ATG4C: variants seen among roughly 807,000 people sequenced by gnomAD.
ATG4C encodes cysteine protease ATG4C.
ATG4C carries 56 observed loss-of-function variants against 57.6 expected under a neutral mutation model. The observed-to-expected ratio is 0.97, with a 90% CI of 0.78 to 1.21. The LOEUF (loss-of-function observed/expected upper bound fraction) is 1.21, where lower values mean the gene tolerates loss of function less well. ATG4C is among the 50% of genes most tolerant of loss of function. ATG4C has a pLI of 0.00. For missense variants in ATG4C, 595 were observed against 529.8 expected, an observed-to-expected ratio of 1.12 and a Z score of -1.21; for synonymous variants, 157 against 174.1, an observed-to-expected ratio of 0.90 and a Z score of 0.78.
At chr1:62,845,816 C>G (rs998275355) in intron 10 of ATG4C, among the ~76,000 whole-genome samples, 5 of 152,142 alleles carry the variant, frequency 3.3e-5, no homozygotes, top group Admixed American at 2.0e-4. Context: ...ATTCTCCTGC[C>G]TCAGCCTCCC....
chr1:62,801,958 C>CAAAAAAAAAAAA (rs60298362), intron 1 of ATG4C, among the ~76,000 whole-genome samples: 13 of 51,890 alleles, frequency 2.5e-4, no homozygotes, highest in African/African-American at 3.7e-4. Context: ...ACTCTGTCTC[C>CAAAAAAAAAAAA]AAAAAAAAAA....
chr1:62,817,265 C>T (rs1426332526), intron 4 of ATG4C, among the ~76,000 whole-genome samples: 1 of 151,996 alleles, frequency 6.6e-6, no homozygotes, highest in African/African-American at 2.4e-5. Flanking sequence ...CCCTACATGT[C>T]AATAATGGTT....
At chr1:62,852,450 C>T (rs1301238535) in intron 10 of ATG4C, among the ~76,000 whole-genome samples, 1 of 152,106 alleles carries the variant, frequency 6.6e-6, no homozygotes, top group African/African-American at 2.4e-5. Flanking sequence ...TGTGCTTATT[C>T]TGCAGTTTCT....
chr1:62,850,892 A>G lies in ATG4C; in HGVS notation c.1209+9345A>G, dbSNP rs1449754386. 1.4e-3 allele frequency among the ~76,000 whole-genome samples: 103 copies of G among 75,940 alleles called. 7 individuals carry two copies. The highest frequency in any genetic ancestry group is 6.6e-4 in the Non-Finnish European group (26 of 39,368). The allele number at this position is 75,940 out of a possible 152,430, so 49.8% of individuals were successfully genotyped here. A position where few individuals can be genotyped will look rare whatever the true frequency, so the allele number is the denominator to read the frequency against. On this transcript the variant is annotated intron_variant, in intron 10 of 10. Coordinates refer to ENST00000317868, the MANE Select transcript of ATG4C (RefSeq NM_032852.4). ...TATATATATATATATATATATATAT[A>G]TATATATATACATACACATACACAC...
At chr1:62,796,441 G>T (rs765698651) in intron 1 of ATG4C, among the ~76,000 whole-genome samples, 20 of 151,958 alleles carry the variant, frequency 1.3e-4, no homozygotes, top group Non-Finnish European at 2.4e-4. Context: ...GTTGCCATGG[G>T]GAATTAAATT....
At chr1:62,802,348 A>G (rs1201377905) in intron 1 of ATG4C, among the ~76,000 whole-genome samples, 1 of 152,006 alleles carries the variant, frequency 6.6e-6, no homozygotes, top group Non-Finnish European at 1.5e-5. Flanking sequence ...ATTTTCCAGG[A>G]TCTGTAACCT....
intron 10 of ATG4C, among the ~76,000 whole-genome samples, chr1:62,846,967 A>C (rs1054885630): frequency 6.6e-6 from 1 of 152,196 alleles, no homozygotes; most frequent in South Asian, 2.1e-4. Context: ...ACCTGAGGTC[A>C]GGAGTTCAAA....
intron 3 of ATG4C, among the ~76,000 whole-genome samples, chr1:62,812,483 G>A (rs1325698800): frequency 6.6e-6 from 1 of 152,070 alleles, no homozygotes; most frequent in East Asian, 1.9e-4. Flanking sequence ...AAAATAATAA[G>A]AGCTATTTAT....
At chr1:62,790,671 A>G (rs752566469) in intron 1 of ATG4C, among the ~76,000 whole-genome samples, 1 of 152,230 alleles carries the variant, frequency 6.6e-6, no homozygotes, top group Non-Finnish European at 1.5e-5. Context: ...AAACTTTGTA[A>G]TATATAGTTA....
chr1:62,862,748 A>G (rs759564430), intron 10 of ATG4C, among the ~76,000 whole-genome samples: 4 of 151,966 alleles, frequency 2.6e-5, no homozygotes, highest in Non-Finnish European at 4.4e-5. Context: ...TCTCATTGAA[A>G]TATTTTTAAT....
At chr1:62,816,539 C>T (rs528533698) in intron 3 of ATG4C, 36 bp from the exon 4 acceptor site, 1 of 1,455,462 alleles carries the variant, frequency 6.9e-7, no homozygotes. Flanking sequence ...ATAGACATTT[C>T]TCTGGTTATC....
At chr1:62,822,062 C>A (rs74078334) in intron 6 of ATG4C, among the ~76,000 whole-genome samples, 1 of 152,012 alleles carries the variant, frequency 6.6e-6, no homozygotes, top group Admixed American at 6.6e-5. Context: ...CACCTCAATT[C>A]TTAATAAATT....
chr1:62,812,951 G>T (rs988681358), intron 3 of ATG4C, among the ~76,000 whole-genome samples: 3 of 152,038 alleles, frequency 2.0e-5, no homozygotes, highest in African/African-American at 7.2e-5. Flanking sequence ...ACTACAAACC[G>T]CTGCTCAAGG....
At chr1:62,788,994 A>C (rs1338593689) in intron 1 of ATG4C, among the ~76,000 whole-genome samples, 1 of 152,130 alleles carries the variant, frequency 6.6e-6, no homozygotes, top group Non-Finnish European at 1.5e-5. Flanking sequence ...TAGTTTAGCC[A>C]GATTTTTATA....
At chr1:62,833,627 C>T (rs1018583442) in intron 7 of ATG4C, among the ~76,000 whole-genome samples, 1 of 152,106 alleles carries the variant, frequency 6.6e-6, no homozygotes, top group African/African-American at 2.4e-5. Context: ...ATGAAAACAG[C>T]AGTAAGGACT....
intron 1 of ATG4C, among the ~76,000 whole-genome samples, chr1:62,796,996 T>G (rs1487929552): frequency 1.3e-5 from 2 of 152,006 alleles, no homozygotes; most frequent in East Asian, 3.9e-4. Context: ...AAATCCCAGC[T>G]ACTCCTGAGG....
intron 1 of ATG4C, among the ~76,000 whole-genome samples, chr1:62,787,454 A>G (rs1664130097): frequency 6.6e-6 from 1 of 152,078 alleles, no homozygotes. Flanking sequence ...AACTTCATTC[A>G]TTTGGTACAT....
At position 62,853,511 on chromosome 1, in the gene ATG4C, A is replaced by G. The variant is rs149757148; in HGVS notation, c.1210-10481A>G. Among the ~76,000 whole-genome samples, 1,233 of 152,292 alleles carry G rather than the reference A, an allele frequency of 8.1e-3. 22 individuals carry two copies. The highest frequency in any genetic ancestry group is 0.028 in the African/African-American group (1,178 of 41,566). Reference sequence around the variant, plus strand: ...GCCCAGGCTGGAGTGCAGTGGTGCAATCATAGCTCACTGCAGCCCCGACCT... The same window carrying G: ...GCCCAGGCTGGAGTGCAGTGGTGCAGTCATAGCTCACTGCAGCCCCGACCT... On this transcript the variant is annotated intron_variant, in intron 10 of 10. Transcript: ENST00000317868.
At chr1:62,841,310 A>G (rs1239470938) in intron 9 of ATG4C, 118 bp from the exon 10 acceptor site, 2 of 900,268 alleles carry the variant, frequency 2.2e-6, no homozygotes, top group East Asian at 2.9e-5. Flanking sequence ...CTAAAACACC[A>G]TTTGAAAATC....
Sources: gnomAD v4.1 joint callset for allele counts (sites outside exome capture counted in the v4.1 genomes callset) on GRCh38, gnomAD v4.1.1 for gene constraint, MANE v1.5 for transcripts, NCBI Gene and HGNC (gene_info 2026-07-23, HGNC 2026-07-21) for gene names.